The following ATF7IP variants were observed in gnomAD, a reference collection of about 807,000 sequenced individuals.
ATF7IP encodes activating transcription factor 7-interacting protein 1.
Under a neutral mutation model 106.4 loss-of-function variants are expected in ATF7IP, and 23 were observed. The ratio of observed to expected loss-of-function variants is 0.22; its 90% CI spans 0.16 to 0.31. ATF7IP has a LOEUF of 0.31. ATF7IP is among the 10% of genes least tolerant of loss of function. The pLI, the probability that ATF7IP is intolerant of heterozygous loss-of-function variation, is 1.00. For missense variants in ATF7IP, 1,334 were observed against 1,524.3 expected (o/e 0.88, Z 2.08); for synonymous variants, 542 against 539.0 (o/e 1.01, Z -0.08).
intron 5 of ATF7IP, 23 bp downstream of exon 5, chr12:14,438,290 T>G: frequency 6.3e-7 from 1 of 1,589,426 alleles, no homozygotes; most frequent in Non-Finnish European, 8.6e-7. Flanking sequence ...ACTTGAGTTG[T>G]ATACTCCATG....
chr12:14,465,364 T>C (rs1055060372), intron 9 of ATF7IP, among the ~76,000 whole-genome samples: 1 of 152,032 alleles, frequency 6.6e-6, no homozygotes, highest in Admixed American at 6.5e-5. Context: ...TAACATTGTA[T>C]ATAAAAACCT....
intron 1 of ATF7IP, among the ~76,000 whole-genome samples, chr12:14,389,764 T>A (rs10772778): frequency 0.54 from 82,713 of 151,844 alleles, 23,008 homozygotes; most frequent in African/African-American, 0.66. Context: ...AGTAGCTGGG[T>A]TTACAGGCAT....
intron 9 of ATF7IP, among the ~76,000 whole-genome samples, chr12:14,462,336 A>G (rs1336159710): frequency 6.6e-6 from 1 of 152,054 alleles, no homozygotes; most frequent in Non-Finnish European, 1.5e-5. Flanking sequence ...TGGACATACA[A>G]GATTTTTGGG....
At chr12:14,376,934 GA>G (rs1423055934) in intron 1 of ATF7IP, among the ~76,000 whole-genome samples, 5 of 150,120 alleles carry the variant, frequency 3.3e-5, no homozygotes, top group Non-Finnish European at 7.4e-5. Flanking sequence ...TCAAAAAAAA[GA>G]AAAAAGATGC....
At chr12:14,388,623 A>T (rs991600529) in intron 1 of ATF7IP, among the ~76,000 whole-genome samples, 1 of 152,118 alleles carries the variant, frequency 6.6e-6, no homozygotes, top group African/African-American at 2.4e-5. Context: ...TTGGGATTAT[A>T]GGCATGAGCC....
chr12:14,457,070 T>C (rs925330111), intron 7 of ATF7IP, 137 bp from the exon 8 acceptor site: 8 of 698,238 alleles, frequency 1.1e-5, no homozygotes, highest in Non-Finnish European at 2.0e-5. Flanking sequence ...CTCACTGTTT[T>C]TGCTTGCAGT....
At chr12:14,428,486 A>C (rs1295244205) in intron 2 of ATF7IP, among the ~76,000 whole-genome samples, 1 of 152,114 alleles carries the variant, frequency 6.6e-6, no homozygotes, top group African/African-American at 2.4e-5. Flanking sequence ...TTGGTTCTTA[A>C]ACTGTACTCT....
rs543202224 is a variant in ATF7IP, at chr12:14,468,274, A to G, written c.2862+1684A>G. Reference sequence around the variant, plus strand: ...AAGAGCGAAACTCCATCCCATCTCAAAAAAAAAAAAAAAAAGAAATATAAT... The same window carrying G: ...AAGAGCGAAACTCCATCCCATCTCAGAAAAAAAAAAAAAAAGAAATATAAT... On this transcript the variant is annotated intron_variant, in intron 10 of 14. Transcript: ENST00000261168. Among the ~76,000 whole-genome samples the G allele has an allele frequency of 2.6e-4, 37 of 139,696 alleles. 1 individual carries two copies. In the East Asian group the frequency reaches 7.1e-3, roughly 27 times the overall value. 91.6% of individuals were successfully genotyped at this position (139,696 alleles called of 152,430 possible). A position where few individuals can be genotyped will look rare whatever the true frequency, so the allele number is the denominator to read the frequency against.
chr12:14,406,536 A>G (rs914072802), intron 1 of ATF7IP, among the ~76,000 whole-genome samples: 1 of 152,016 alleles, frequency 6.6e-6, no homozygotes, highest in Non-Finnish European at 1.5e-5. Context: ...GATATTTTAG[A>G]TATAAATATA....
At chr12:14,475,141 A>G (rs1944212715) in intron 10 of ATF7IP, among the ~76,000 whole-genome samples, 1 of 152,312 alleles carries the variant, frequency 6.6e-6, no homozygotes, top group East Asian at 1.9e-4. Flanking sequence ...AGCAATTGCC[A>G]TGTATCATAT....
chr12:14,484,410 A>C (rs541398576), intron 13 of ATF7IP, among the ~76,000 whole-genome samples: 1 of 152,314 alleles, frequency 6.6e-6, no homozygotes, highest in African/African-American at 2.4e-5. Context: ...AAGGGATACA[A>C]ATATCTTCAT....
At chr12:14,468,136 G>A (rs967841787) in intron 10 of ATF7IP, among the ~76,000 whole-genome samples, 7 of 151,592 alleles carry the variant, frequency 4.6e-5, no homozygotes, top group African/African-American at 1.2e-4. Context: ...GTGTGGTGAC[G>A]GGCACCTGTA....
chr12:14,397,396 A>G (rs963675422), intron 1 of ATF7IP, among the ~76,000 whole-genome samples: 5 of 152,228 alleles, frequency 3.3e-5, no homozygotes, highest in Non-Finnish European at 7.3e-5. Flanking sequence ...GTGGTCAGGT[A>G]GTTTCTAATA....
chr12:14,424,940 A>G lies in ATF7IP; in HGVS notation c.1025A>G (p.Asp342Gly), dbSNP rs746491968. ...TCATTGGATGAGAAAAATAAAGCTG[A>G]TAATAATATTGATGCTAATGAAGAA... ...KDSLDEKNKA[D>G]NNIDANEETL... Residue 342 changes from aspartate (D) to glycine (G), a missense_variant, in exon 2 of 15, where the codon GAT becomes GGT. Around this residue, in one of 10 missense-constraint regions of ATF7IP, gnomAD observed 438 missense variants for 405.3 expected, o/e 1.08. Transcript: ENST00000261168. The G allele has an allele frequency of 1.2e-6, 2 of 1,606,090 alleles. No individual in the cohort carries two copies. Among genetic ancestry groups the G allele is most frequent in the Non-Finnish European group, 1.7e-6 (2 of 1,178,042 alleles).
intron 1 of ATF7IP, among the ~76,000 whole-genome samples, chr12:14,413,818 G>T (rs1404034424): frequency 6.6e-6 from 1 of 152,054 alleles, no homozygotes; most frequent in African/African-American, 2.4e-5. Flanking sequence ...ATAAGGCATG[G>T]TTGGGAATAA....
At chr12:14,433,264 T>G (rs533808651) in intron 2 of ATF7IP, among the ~76,000 whole-genome samples, 17 of 152,174 alleles carry the variant, frequency 1.1e-4, no homozygotes, top group African/African-American at 3.6e-4. Flanking sequence ...CTCAGCACTT[T>G]GGGAGGCTGA....
intron 1 of ATF7IP, among the ~76,000 whole-genome samples, chr12:14,368,938 G>A (rs1938415414): frequency 6.6e-6 from 1 of 151,356 alleles, no homozygotes; most frequent in Non-Finnish European, 1.5e-5. Flanking sequence ...TTTTTATGTA[G>A]TAAAATGTAC....
intron 9 of ATF7IP, among the ~76,000 whole-genome samples, chr12:14,465,865 A>G (rs1943811909): frequency 6.6e-6 from 1 of 152,148 alleles, no homozygotes; most frequent in Non-Finnish European, 1.5e-5. Flanking sequence ...CAACATTTAA[A>G]AACTCCATGT....
chr12:14,480,522 C>G (rs1310842128), intron 12 of ATF7IP, among the ~76,000 whole-genome samples: 1 of 152,096 alleles, frequency 6.6e-6, no homozygotes, highest in Non-Finnish European at 1.5e-5. Flanking sequence ...TAGGTTGGCT[C>G]ACTTGAAAAA....
Sources: allele counts gnomAD v4.1 joint callset (sites outside exome capture counted in the v4.1 genomes callset), GRCh38; gene constraint gnomAD v4.1.1; regional missense constraint gnomAD v4.1.1; transcripts MANE v1.5; gene names NCBI Gene and HGNC (gene_info 2026-07-23, HGNC 2026-07-21).